Variants in TBC1D8 observed in about 807,000 individuals in gnomAD.
The protein encoded by TBC1D8 is BUB2-like protein 1.
In TBC1D8, 65 loss-of-function variants were observed where a neutral mutation model predicts 118.8. The ratio of observed to expected loss-of-function variants is 0.55; its 90% CI spans 0.45 to 0.67. The LOEUF (loss-of-function observed/expected upper bound fraction) is 0.67. Among genes scored for constraint, TBC1D8 ranks in the 30% least tolerant of loss-of-function variants. The pLI, the probability that TBC1D8 is intolerant of heterozygous loss-of-function variation, is 0.00. For missense variants in TBC1D8, 1,376 were observed against 1,471.2 expected (o/e 0.94, Z 1.06); for synonymous variants, 566 against 595.8 (o/e 0.95, Z 0.73).
intron 2 of TBC1D8, among the ~76,000 whole-genome samples, chr2:101,079,926 T>C (rs552564376): frequency 6.6e-6 from 1 of 151,988 alleles, no homozygotes; most frequent in South Asian, 2.1e-4. Flanking sequence ...GACCTCATGA[T>C]CCGCCTGCTT....
intron 2 of TBC1D8, among the ~76,000 whole-genome samples, chr2:101,079,961 C>T (rs1573995682): frequency 6.6e-6 from 1 of 152,134 alleles, no homozygotes; most frequent in Middle Eastern, 3.4e-3. Flanking sequence ...GCTGGGATTA[C>T]AGGTGTGAGC....
At chr2:101,054,861 T>G (rs961540024) in intron 3 of TBC1D8, among the ~76,000 whole-genome samples, 3 of 151,072 alleles carry the variant, frequency 2.0e-5, no homozygotes, top group Admixed American at 1.3e-4. Flanking sequence ...TTTGTATTTT[T>G]AGTAGAGACG....
intron 1 of TBC1D8, among the ~76,000 whole-genome samples, chr2:101,098,609 T>G (rs573680327): frequency 6.6e-6 from 1 of 152,152 alleles, no homozygotes; most frequent in South Asian, 2.1e-4. Context: ...GACCACATAA[T>G]TGGAAGTAAA....
Position 101,039,254 on chromosome 2 carries a change from C to T in TBC1D8, c.1081-599G>A, listed in dbSNP as rs1236942970. Among the ~76,000 whole-genome samples, 14 of 152,154 alleles carry T rather than the reference C, an allele frequency of 9.2e-5. No homozygotes were observed. In the East Asian group the frequency reaches 2.7e-3, roughly 29 times the overall value. On this transcript the variant is annotated intron_variant, in intron 6 of 19. Coordinates refer to ENST00000409318, the MANE Select transcript of TBC1D8 (RefSeq NM_001330348.2). ...ACATTACCAAAAAAAATTTTTTAAG[C>T]ATGTAAGTTGGCTCCTAGATTTCTT...
intron 3 of TBC1D8, among the ~76,000 whole-genome samples, chr2:101,054,902 G>C (rs1229354959): frequency 6.7e-6 from 1 of 150,194 alleles, no homozygotes; most frequent in African/African-American, 2.4e-5. Flanking sequence ...GGCTGGTCTC[G>C]AACTCCCGAC....
At chr2:101,111,305 G>A (rs1399141553) in intron 1 of TBC1D8, among the ~76,000 whole-genome samples, 2 of 152,164 alleles carry the variant, frequency 1.3e-5, no homozygotes, top group African/African-American at 2.4e-5. Flanking sequence ...GCAGAGCAGC[G>A]GACAAAGCTG....
At chr2:101,093,756 T>A (rs1676205611) in intron 1 of TBC1D8, among the ~76,000 whole-genome samples, 1 of 151,744 alleles carries the variant, frequency 6.6e-6, no homozygotes, top group South Asian at 2.1e-4. Flanking sequence ...ATCGCCCAGG[T>A]TGGAGTGCGG....
intron 7 of TBC1D8, among the ~76,000 whole-genome samples, chr2:101,038,207 G>A (rs1428912154): frequency 3.3e-5 from 5 of 152,128 alleles, no homozygotes; most frequent in African/African-American, 1.2e-4. Flanking sequence ...CCTCCAATCA[G>A]GCCATCCTCA....
At position 101,050,540 on chromosome 2, in the gene TBC1D8, C is replaced by G; in HGVS notation, c.733G>C (p.Asp245His). 6.2e-7 allele frequency: 1 copy of G among 1,614,000 alleles called. No individual in the cohort carries two copies. Among genetic ancestry groups the G allele is most frequent in the Non-Finnish European group, 8.5e-7 (1 of 1,179,888 alleles). ...TCCAGGTTCAGGAACATGGAGAAGTCACGCTCCTTATTCTGCGTGGTGATT... is the reference window on the plus strand; with the variant it reads ...TCCAGGTTCAGGAACATGGAGAAGTGACGCTCCTTATTCTGCGTGGTGATT... ...IRITTQNKER[D>H]FSMFLNLDEV... is the part of the protein sequence containing the mutation. The change falls in exon 5 of 20, where the codon GAC (aspartate) becomes CAC (histidine). Residue 245 changes from aspartate to histidine, a missense_variant. Coordinates refer to ENST00000409318, the MANE Select transcript of TBC1D8 (RefSeq NM_001330348.2).
chr2:101,127,244 G>A (rs1206570525), intron 1 of TBC1D8, among the ~76,000 whole-genome samples: 2 of 151,950 alleles, frequency 1.3e-5, no homozygotes, highest in African/African-American at 4.8e-5. Context: ...GCTGAGGCAG[G>A]AGAATGGCTT....
chr2:101,118,729 GCA>G (rs1677963411), intron 1 of TBC1D8, among the ~76,000 whole-genome samples: 1 of 151,752 alleles, frequency 6.6e-6, no homozygotes, highest in Non-Finnish European at 1.5e-5. Flanking sequence ...ACCAGGCTGG[GCA>G]CAGTGGCTCA....
intron 12 of TBC1D8, 107 bp downstream of exon 12, chr2:101,029,382 ACT>A (rs924361248): frequency 8.0e-6 from 10 of 1,250,726 alleles, no homozygotes; most frequent in East Asian, 2.5e-5. Flanking sequence ...ACAGAGTGAG[ACT>A]CTGTCTCAAT....
Position 101,063,100 on chromosome 2 carries a change from T to C in TBC1D8, c.284-3561A>G, listed in dbSNP as rs560015596. On this transcript the variant is annotated intron_variant, in intron 2 of 19. Transcript: ENST00000409318. The stretch of plus-strand genomic sequence containing the variant: ...ATCCTTTCGGACGACCTGATACAGG[T>C]TTTCATTTATCCTGCTATTAAGCTC... 4.6e-5 allele frequency among the ~76,000 whole-genome samples: 7 copies of C among 152,190 alleles called. No homozygotes were observed. In the South Asian group the frequency reaches 1.2e-3, roughly 27 times the overall value.
chr2:101,123,853 G>C (rs548720031), intron 1 of TBC1D8, among the ~76,000 whole-genome samples: 2 of 152,158 alleles, frequency 1.3e-5, no homozygotes, highest in African/African-American at 2.4e-5. Context: ...TCTCCCTGTG[G>C]GTCAGGGGGC....
intron 1 of TBC1D8, among the ~76,000 whole-genome samples, chr2:101,125,597 A>G (rs1242372383): frequency 6.6e-6 from 1 of 152,188 alleles, no homozygotes; most frequent in Non-Finnish European, 1.5e-5. Context: ...GCCACAAACC[A>G]CAAGCATTCA....
At chr2:101,024,697 G>A (rs757566104) in intron 15 of TBC1D8, among the ~76,000 whole-genome samples, 3 of 152,084 alleles carry the variant, frequency 2.0e-5, no homozygotes, top group African/African-American at 7.2e-5. Context: ...ATAAGCCACC[G>A]TGCCCGGCCA....
chr2:101,088,853 T>C (rs1358873933), intron 2 of TBC1D8, among the ~76,000 whole-genome samples: 1 of 152,090 alleles, frequency 6.6e-6, no homozygotes, highest in African/African-American at 2.4e-5. Context: ...ATTACAGGCA[T>C]GAGCCACCAT....
In TBC1D8 at chr2:101,022,465, G is replaced by A. The variant is rs374565153; in HGVS notation, c.2577C>T (p.His859=). ...WEQPRPMASR[H]DPSRPYAEQY... is the part of the protein sequence containing the mutation. ...GCTCAGCATAGGGCCGGCTGGGGTC[G>A]TGGCGTGAGGCCATGGGCCTGGGCT... The change falls in exon 16 of 20, where the codon CAC becomes CAT. Residue 859 remains histidine, a synonymous_variant. Transcript: ENST00000409318. 1.2e-6 allele frequency: 2 copies of A among 1,608,514 alleles called. No individual in the cohort carries two copies. The highest frequency in any genetic ancestry group is 8.5e-7 in the Non-Finnish European group (1 of 1,178,322).
chr2:101,041,420 A>G (rs1011870632), intron 5 of TBC1D8, among the ~76,000 whole-genome samples: 12 of 152,232 alleles, frequency 7.9e-5, no homozygotes, highest in African/African-American at 2.9e-4. Context: ...TACTGAGTGA[A>G]GTAAACCAGA....
Sources: gnomAD v4.1 joint callset for allele counts (sites outside exome capture counted in the v4.1 genomes callset) on GRCh38, gnomAD v4.1.1 for gene constraint, MANE v1.5 for transcripts, NCBI Gene and HGNC (gene_info 2026-07-23, HGNC 2026-07-21) for gene names.